The following CLIC5 variants were observed in gnomAD, a reference collection of about 807,000 sequenced individuals.
CLIC5 encodes chloride intracellular channel protein 5.
CLIC5 carries 20 observed loss-of-function variants against 24.7 expected under a neutral mutation model. The ratio of observed to expected loss-of-function variants is 0.81; its 90% CI spans 0.57 to 1.18. The LOEUF (loss-of-function observed/expected upper bound fraction) is 1.18, where lower values mean the gene tolerates loss of function less well. Ranked by LOEUF, CLIC5 falls within the 50% of genes most tolerant of loss-of-function variation. The pLI is 0.00. For missense variants in CLIC5, 341 were observed against 326.1 expected (o/e 1.05, Z -0.35); for synonymous variants, 159 against 135.6 (o/e 1.17, Z -1.20).
intron 1 of CLIC5, among the ~76,000 whole-genome samples, chr6:45,973,555 T>C (rs35758783): frequency 2.8e-4 from 42 of 152,350 alleles, no homozygotes; most frequent in Non-Finnish European, 4.9e-4. Context: ...ATAAAATGAA[T>C]TAAACCCTGT....
At chr6:46,092,710 A>G in the CLIC5 span, among the ~76,000 whole-genome samples, 3 of 152,038 alleles carry the variant, frequency 2.0e-5, no homozygotes, top group African/African-American at 7.2e-5. Context: ...CCCTGCTAGT[A>G]TTTGTTGCAC....
intron 1 of CLIC5, among the ~76,000 whole-genome samples, chr6:45,975,432 T>C (rs1343522931): frequency 6.6e-6 from 1 of 152,178 alleles, no homozygotes; most frequent in East Asian, 1.9e-4. Flanking sequence ...AACAAAAGTA[T>C]TTCTGTCAAA....
intron 1 of CLIC5, among the ~76,000 whole-genome samples, chr6:46,006,961 C>T (rs1581854488): frequency 6.6e-6 from 1 of 152,266 alleles, no homozygotes; most frequent in South Asian, 2.1e-4. Context: ...CATGAGCCAC[C>T]ATGCCCAGCC....
rs940206372 is a variant in CLIC5 at position 46,075,421 on chromosome 6, A to G, written c.540+4282T>C. Reference sequence around the variant, plus strand: ...TGTCTCTACAAACAAACAAACAAACAAACAAAAAATTTAATTAGATGGGTA... The same window carrying G: ...TGTCTCTACAAACAAACAAACAAACGAACAAAAAATTTAATTAGATGGGTA... On this transcript the variant is annotated intron_variant, in intron 1 of 5. Coordinates refer to the CLIC5 transcript ENST00000185206. 5.3e-5 allele frequency among the ~76,000 whole-genome samples: 8 copies of G among 152,144 alleles called. No homozygotes were observed. The East Asian group carries it at 1.6e-3, about 30-fold the overall frequency.
chr6:45,990,937 A>G (rs540853255), intron 1 of CLIC5, among the ~76,000 whole-genome samples: 1 of 152,274 alleles, frequency 6.6e-6, no homozygotes, highest in African/African-American at 2.4e-5. Flanking sequence ...TTTCATGTGA[A>G]ATAGACCCAT....
chr6:45,934,764 G>A (rs539367816), intron 4 of CLIC5, among the ~76,000 whole-genome samples: 1 of 152,360 alleles, frequency 6.6e-6, no homozygotes, highest in South Asian at 2.1e-4. Context: ...AAGCACATGA[G>A]AATATGACAC....
At chr6:45,992,917 C>CTG (rs1362448023) in intron 1 of CLIC5, among the ~76,000 whole-genome samples, 2 of 152,066 alleles carry the variant, frequency 1.3e-5, no homozygotes, top group African/African-American at 2.4e-5. Flanking sequence ...ATATGTGCAT[C>CTG]TGTGTGTGTG....
chr6:46,001,030 T>C (rs903790987), intron 1 of CLIC5, among the ~76,000 whole-genome samples: 6 of 152,222 alleles, frequency 3.9e-5, no homozygotes, highest in Non-Finnish European at 7.3e-5. Context: ...GAGAGGCATT[T>C]TTCTCCCACT....
chr6:45,955,047 G>A (rs773772365), intron 2 of CLIC5, 88 bp downstream of exon 2: 86 of 866,020 alleles, frequency 9.9e-5, no homozygotes, highest in Non-Finnish European at 1.5e-4. Context: ...GGGGCTGCTG[G>A]GAGCCACGGA....
intron 1 of CLIC5, among the ~76,000 whole-genome samples, chr6:45,971,209 A>G (rs1765189463): frequency 6.6e-6 from 1 of 152,340 alleles, no homozygotes; most frequent in East Asian, 1.9e-4. Context: ...CAAATCAGCC[A>G]TCTGGTATAT....
chr6:46,046,195 A>C (rs533869932), intron 1 of CLIC5, among the ~76,000 whole-genome samples: 20 of 152,190 alleles, frequency 1.3e-4, no homozygotes, highest in Non-Finnish European at 2.1e-4. Flanking sequence ...CTTCTAACTG[A>C]TGTGTAACTT....
intron 1 of CLIC5, among the ~76,000 whole-genome samples, chr6:45,990,901 G>A (rs1004233836): frequency 3.3e-5 from 5 of 152,168 alleles, no homozygotes; most frequent in Admixed American, 2.6e-4. Flanking sequence ...TTGGAAAAGG[G>A]ACTGGATCTC....
chr6:46,076,567 G>C (rs1367924397), intron 1 of CLIC5, among the ~76,000 whole-genome samples: 1 of 152,134 alleles, frequency 6.6e-6, no homozygotes, highest in African/African-American at 2.4e-5. Flanking sequence ...ATGGAAAAGA[G>C]AAAGAAACAA....
intron 1 of CLIC5, among the ~76,000 whole-genome samples, chr6:45,960,385 C>G (rs1167608943): frequency 6.6e-6 from 1 of 152,206 alleles, no homozygotes; most frequent in Non-Finnish European, 1.5e-5. Context: ...TCTGTGAGAA[C>G]AGGGGGAATT....
chr6:45,903,377 C>A, intron 5 of CLIC5, 122 bp from the exon 6 acceptor site: 1 of 713,490 alleles, frequency 1.4e-6, no homozygotes, highest in Non-Finnish European at 2.1e-6. Flanking sequence ...CACGGGCCAT[C>A]AGTGATATGT....
Position 46,079,840 on chromosome 6 carries a change from G to T in CLIC5, c.403C>A (p.Leu135Met), listed in dbSNP as rs1289157854. Reference sequence around the variant, plus strand: ...ATGGTGAAGCTTGAAGGAGAAGGCAGATCTTCCTTCATCACACTCCCATTC... The same window carrying T: ...ATGGTGAAGCTTGAAGGAGAAGGCATATCTTCCTTCATCACACTCCCATTC... The change falls in exon 1 of 6, where the codon CTG becomes ATG. Residue 135 changes from leucine (L) to methionine (M), a missense_variant. Transcript: ENST00000185206. 8 of 1,552,216 alleles carry T rather than the reference G, an allele frequency of 5.2e-6. No individual in the cohort carries two copies. The highest frequency in any genetic ancestry group is 5.2e-6 in the Non-Finnish European group (6 of 1,147,106).
intron 5 of CLIC5, chr6:45,912,844 C>A (rs1388661701): frequency 3.9e-6 from 3 of 778,878 alleles, no homozygotes; most frequent in Non-Finnish European, 6.5e-6. Context: ...GGCTTGGCCC[C>A]AAATCCAAAA....
chr6:46,000,078 C>A (rs963998654), intron 1 of CLIC5, among the ~76,000 whole-genome samples: 1 of 152,090 alleles, frequency 6.6e-6, no homozygotes, highest in Non-Finnish European at 1.5e-5. Context: ...ATAACATTTT[C>A]TGTTATCTCC....
chr6:45,928,767 A>AGTGTGTGTGTGTGTGTGT (rs5875948), intron 4 of CLIC5, among the ~76,000 whole-genome samples: 17 of 144,174 alleles, frequency 1.2e-4, no homozygotes, highest in African/African-American at 3.0e-4. Context: ...GAAGTGCATA[A>AGTGTGTGTGTGTGTGTGT]GTGTGTGTGT....
Sources: gnomAD v4.1 joint callset for allele counts (sites outside exome capture counted in the v4.1 genomes callset) on GRCh38, gnomAD v4.1.1 for gene constraint, MANE v1.5 for transcripts, NCBI Gene and HGNC (gene_info 2026-07-23, HGNC 2026-07-21) for gene names.